The following NRXN2 variants were observed in gnomAD, a reference collection of about 807,000 sequenced individuals.
NRXN2 encodes the protein neurexin 2.
In NRXN2, 29 loss-of-function variants were observed where a neutral mutation model predicts 128.8. The ratio of observed to expected loss-of-function variants is 0.23; its 90% CI spans 0.17 to 0.31. NRXN2 has a LOEUF of 0.31. Among genes scored for constraint, NRXN2 ranks in the 10% least tolerant of loss-of-function variants. NRXN2 has a pLI of 1.00. For missense variants in NRXN2, 1,881 were observed against 2,452.6 expected (o/e 0.77, Z 4.92); for synonymous variants, 1,098 against 1,075.2 (o/e 1.02, Z -0.41).
intron 21 of NRXN2, among the ~76,000 whole-genome samples, chr11:64,621,413 A>G (rs527826341): frequency 6.6e-6 from 1 of 152,166 alleles, no homozygotes; most frequent in East Asian, 1.9e-4. Context: ...TAGAGCCCAG[A>G]CCTTTTCCCC....
At chr11:64,686,974 C>T (rs567237484) in intron 5 of NRXN2, among the ~76,000 whole-genome samples, 1 of 152,228 alleles carries the variant, frequency 6.6e-6, no homozygotes, top group East Asian at 1.9e-4. Flanking sequence ...CCAGCACAAG[C>T]CAGAGTGCAA....
intron 11 of NRXN2, among the ~76,000 whole-genome samples, chr11:64,658,836 C>T (rs547870381): frequency 1.3e-5 from 2 of 152,058 alleles, no homozygotes; most frequent in African/African-American, 4.8e-5. Flanking sequence ...ACCAGCGTGG[C>T]CAAGATGGTG....
chr11:64,666,404 GT>G (rs1565353425), intron 9 of NRXN2, among the ~76,000 whole-genome samples: 1 of 151,712 alleles, frequency 6.6e-6, no homozygotes, highest in East Asian at 1.9e-4. Flanking sequence ...GTTTCACCAT[GT>G]TGGCCAGTCT....
At chr11:64,616,986 T>C (rs949670176) in intron 22 of NRXN2, among the ~76,000 whole-genome samples, 1 of 152,320 alleles carries the variant, frequency 6.6e-6, no homozygotes. Context: ...ATGCATGTGC[T>C]TTCATTAGGC....
At chr11:64,627,363 G>A (rs1025022693) in intron 19 of NRXN2, among the ~76,000 whole-genome samples, 4 of 150,318 alleles carry the variant, frequency 2.7e-5, no homozygotes, top group African/African-American at 4.9e-5. Context: ...CCTCCTCTTC[G>A]GCCCCTTTCT....
chr11:64,694,278 A>G (rs953823047), intron 3 of NRXN2, among the ~76,000 whole-genome samples: 1 of 152,202 alleles, frequency 6.6e-6, no homozygotes, highest in Non-Finnish European at 1.5e-5. Flanking sequence ...ACCCTTGGAA[A>G]CCAGCCCCAC....
At chr11:64,625,274 A>G (rs1312542582) in intron 20 of NRXN2, among the ~76,000 whole-genome samples, 3 of 152,138 alleles carry the variant, frequency 2.0e-5, no homozygotes, top group African/African-American at 7.2e-5. Flanking sequence ...ATTCTGGAAG[A>G]GGGAGGTGGG....
At chr11:64,686,034 A>T (rs1410177811) in intron 5 of NRXN2, 87 bp from the exon 6 acceptor site, 1 of 1,479,676 alleles carries the variant, frequency 6.8e-7, no homozygotes, top group Non-Finnish European at 9.3e-7. Context: ...CAACGCAGGC[A>T]CTGGTCCTGG....
At chr11:64,679,155 C>T (rs1035710479) in intron 6 of NRXN2, among the ~76,000 whole-genome samples, 16 of 151,996 alleles carry the variant, frequency 1.1e-4, no homozygotes, top group South Asian at 6.2e-4. Context: ...ACAACCAGGC[C>T]CAGAACGGTA....
intron 11 of NRXN2, among the ~76,000 whole-genome samples, chr11:64,657,606 A>G (rs1423069931): frequency 6.6e-6 from 1 of 152,222 alleles, no homozygotes; most frequent in Non-Finnish European, 1.5e-5. Flanking sequence ...AGATTAAAAA[A>G]AAGAGAGAGA....
chr11:64,703,654 G>A (rs1284056411), intron 2 of NRXN2, among the ~76,000 whole-genome samples: 2 of 152,046 alleles, frequency 1.3e-5, no homozygotes, highest in Non-Finnish European at 2.9e-5. Flanking sequence ...CCTCATGTAG[G>A]CTACTCTCCT....
At position 64,607,633 on chromosome 11, in the gene NRXN2, G is replaced by A; in HGVS notation, c.4702C>T (p.Arg1568Ter). The A allele has an allele frequency of 1.3e-6, 2 of 1,531,948 alleles. No homozygotes were observed. The highest frequency in any genetic ancestry group is 8.8e-7 in the Non-Finnish European group (1 of 1,140,856). The allele number at this position is 1,531,948 out of a possible 1,614,324, so 94.9% of individuals were successfully genotyped here. Reference protein sequence around the residue: ...PNLPAGKMNHRDPLQPLLENP... With the variant: ...PNLPAGKMNH ...TCCAGCAAGGGCTGAAGCGGGTCTC[G>A]GTGGTTCATTTTGCCCGCCGGCAGG... The change falls in exon 23 of 23, where the codon CGA becomes TGA. Residue 1568 changes from arginine to a stop codon, truncating the protein, a stop_gained. Transcript: ENST00000265459. LOFTEE classifies it high-confidence loss of function.
chr11:64,678,037 G>A (rs2051604505), intron 6 of NRXN2, among the ~76,000 whole-genome samples: 1 of 152,138 alleles, frequency 6.6e-6, no homozygotes, highest in Non-Finnish European at 1.5e-5. Context: ...GCTTTTCCTG[G>A]GGATGGAGAA....
At chr11:64,627,507 C>T (rs2043244085) in intron 19 of NRXN2, among the ~76,000 whole-genome samples, 1 of 152,088 alleles carries the variant, frequency 6.6e-6, no homozygotes, top group Admixed American at 6.6e-5. Flanking sequence ...CTGCCAGGCC[C>T]TCAGCCTTTC....
At chr11:64,638,300 C>T (rs1438415550) in intron 17 of NRXN2, among the ~76,000 whole-genome samples, 1 of 152,226 alleles carries the variant, frequency 6.6e-6, no homozygotes, top group African/African-American at 2.4e-5. Context: ...GGCGGAGAGA[C>T]ACTTCTTGGG....
At position 64,623,181 on chromosome 11, in the gene NRXN2, G is replaced by A; in HGVS notation, c.3848-103C>T. 6.8e-7 allele frequency: 1 copy of A among 1,470,420 alleles called. No homozygotes were observed. The highest frequency in any genetic ancestry group is 9.0e-7 in the Non-Finnish European group (1 of 1,107,840). 91.1% of individuals were successfully genotyped at this position (1,470,420 alleles called of 1,614,324 possible). A position where few individuals can be genotyped will look rare whatever the true frequency, so the allele number is the denominator to read the frequency against. The stretch of plus-strand genomic sequence containing the variant: ...AAGCCAAGGAGAGGAAAGAGGAATG[G>A]AGGAGAAAGCCAGTAAGGGAGGAGG... On this transcript the variant is annotated intron_variant, in intron 20 of 22. Coordinates refer to ENST00000265459, the MANE Select transcript of NRXN2 (RefSeq NM_015080.4). This position sits in a 1 kb window ranked among gnomAD's most constrained non-coding sequence, Gnocchi z 4.9.
chr11:64,701,076 G>A (rs1052722075), intron 2 of NRXN2, among the ~76,000 whole-genome samples: 13 of 152,118 alleles, frequency 8.5e-5, no homozygotes, highest in Admixed American at 7.2e-4. Context: ...GTGAGGCCAG[G>A]CCCTGATCAG....
In NRXN2 at chr11:64,635,258, C is replaced by T; in HGVS notation, c.3585+13G>A. On this transcript the variant is annotated intron_variant, in intron 18 of 22. Transcript: ENST00000265459. This position sits in a 1 kb window ranked among gnomAD's most constrained non-coding sequence, Gnocchi z 4.8. ...AAGCTTGAGGTTGAAGGGTTGGGGC[C>T]CAGGGTCCTTACGATGTGCAGCTGC... 5.0e-6 allele frequency: 8 copies of T among 1,611,616 alleles called. No individual in the cohort carries two copies. Among genetic ancestry groups the T allele is most frequent in the Non-Finnish European group, 6.8e-6 (8 of 1,179,844 alleles).
intron 6 of NRXN2, among the ~76,000 whole-genome samples, chr11:64,680,171 C>G (rs1441082277): frequency 6.6e-6 from 1 of 152,140 alleles, no homozygotes; most frequent in Non-Finnish European, 1.5e-5. Flanking sequence ...GAAAGGAGAG[C>G]CTCGGGACAA....
Sources: allele counts gnomAD v4.1 joint callset (sites outside exome capture counted in the v4.1 genomes callset), GRCh38; gene constraint gnomAD v4.1.1; non-coding constraint Gnocchi (gnomAD v3.1); transcripts MANE v1.5; gene names NCBI Gene and HGNC (gene_info 2026-07-23, HGNC 2026-07-21).